IGF1R: variants seen among roughly 807,000 people sequenced by gnomAD.
IGF1R encodes insulin like growth factor 1 receptor.
Under a neutral mutation model 144.6 loss-of-function variants are expected in IGF1R, and 44 were observed. That is an observed-to-expected ratio of 0.30 (90% CI 0.24 to 0.39). The LOEUF is 0.39. Among genes scored for constraint, IGF1R ranks in the 10% least tolerant of loss-of-function variants. IGF1R has a pLI of 1.00. For synonymous variants in IGF1R, 795 were observed against 722.8 expected (o/e 1.10, Z -1.60); for missense variants, 1,355 against 1,833.7 (o/e 0.74, Z 4.77).
chr15:98,866,242 C>T (rs1041656646), intron 2 of IGF1R, among the ~76,000 whole-genome samples: 2 of 152,152 alleles, frequency 1.3e-5, no homozygotes, highest in South Asian at 2.1e-4. Context: ...TGTCCCCCGC[C>T]GCCACCACAC....
At chr15:98,923,212 T>G (rs1294661548) in intron 11 of IGF1R, among the ~76,000 whole-genome samples, 3 of 152,258 alleles carry the variant, frequency 2.0e-5, no homozygotes, top group African/African-American at 7.2e-5. Context: ...CAACTTTGTT[T>G]ACTGCTTCAA....
chr15:98,931,504 C>T (rs772832681), intron 15 of IGF1R, among the ~76,000 whole-genome samples: 5 of 152,124 alleles, frequency 3.3e-5, no homozygotes, highest in Non-Finnish European at 7.4e-5. Flanking sequence ...AAGCAGCCTC[C>T]TCTGAATGGG....
chr15:98,796,719 A>C (rs2141426403), intron 2 of IGF1R, among the ~76,000 whole-genome samples: 1 of 152,338 alleles, frequency 6.6e-6, no homozygotes, highest in East Asian at 1.9e-4. Context: ...TATTGAATGT[A>C]TTCTTATACA....
At chr15:98,922,700 T>G (rs1001342294) in intron 11 of IGF1R, among the ~76,000 whole-genome samples, 4 of 152,228 alleles carry the variant, frequency 2.6e-5, no homozygotes, top group African/African-American at 9.6e-5. Flanking sequence ...ACCCTCCACC[T>G]GCTACTTGGT....
At chr15:98,651,109 G>C in intron 1 of IGF1R, 1 of 972,494 alleles carries the variant, frequency 1.0e-6, no homozygotes, top group Non-Finnish European at 1.2e-6. Context: ...AGGGTATGCA[G>C]GTGGTGCCGA....
At chr15:98,828,772 TG>T (rs1415188187) in intron 2 of IGF1R, among the ~76,000 whole-genome samples, 4 of 138,786 alleles carry the variant, frequency 2.9e-5, no homozygotes, top group Non-Finnish European at 6.2e-5. Context: ...TTGCTGAGCA[TG>T]GTTTTTTTTT....
intron 2 of IGF1R, among the ~76,000 whole-genome samples, chr15:98,749,426 C>CAGGTA (rs1433838333): frequency 2.0e-5 from 3 of 152,046 alleles, no homozygotes; most frequent in Non-Finnish European, 4.4e-5. Flanking sequence ...GTATGTTTAC[C>CAGGTA]AGGTAATCTG....
chr15:98,939,692 G>A (rs906556507), intron 18 of IGF1R, among the ~76,000 whole-genome samples: 12 of 152,192 alleles, frequency 7.9e-5, no homozygotes, highest in African/African-American at 2.9e-4. Context: ...TTTGACTTGG[G>A]AATAAAACTC....
chr15:98,721,325 C>G (rs1405149459), intron 2 of IGF1R, among the ~76,000 whole-genome samples: 1 of 152,204 alleles, frequency 6.6e-6, no homozygotes, highest in Non-Finnish European at 1.5e-5. Flanking sequence ...ATCTCTCTCC[C>G]CAAACAGTTG....
Position 98,923,795 on chromosome 15 carries a change from G to GA in IGF1R, c.2486-81_2486-80insA, listed in dbSNP as rs201805313. 4,019 of 1,104,074 alleles carry GA rather than the reference G, an allele frequency of 3.6e-3. 46 individuals are homozygous for GA. The highest frequency in any genetic ancestry group is 0.03 in the African/African-American group (1,942 of 65,152). The allele number at this position is 1,104,074 out of a possible 1,614,324, so 68.4% of individuals were successfully genotyped here. A position where few individuals can be genotyped will look rare whatever the true frequency, so the allele number is the denominator to read the frequency against. ...ACTGTCCTGCCCGTGTGGATGGGGG[G>GA]GTTATTCTCAGGTCAGCCCAGTGTT... On this transcript the variant is annotated intron_variant, in intron 11 of 20. Transcript: ENST00000650285.
chr15:98,930,157 G>GTT lies in IGF1R; in HGVS notation c.2886-77_2886-76dup. On this transcript the variant is annotated intron_variant, in intron 14 of 20. Transcript: ENST00000650285. The stretch of plus-strand genomic sequence containing the variant: ...CGTGTGAGAGAGGATAAATGAAACT[G>GTT]TTGTAGCGAAGATGAAAGTATATAC... The GTT allele has an allele frequency of 4.1e-6, 4 of 966,114 alleles. 1 individual carries two copies. The South Asian group carries it at 5.3e-5, about 13-fold the overall frequency. The allele number at this position is 966,114 out of a possible 1,614,324, so 59.8% of individuals were successfully genotyped here.
In IGF1R at chr15:98,957,807, C is replaced by G; in HGVS notation, c.*365C>G. The G allele has an allele frequency of 2.9e-6, 1 of 340,356 alleles. No homozygotes were observed. The highest frequency in any genetic ancestry group is 5.4e-6 in the Non-Finnish European group (1 of 184,960). 21.1% of individuals were successfully genotyped at this position (340,356 alleles called of 1,614,324 possible). ...CTGCTTCATAACGGAAAAATAATTG[C>G]CACAAGTCCAGCTGGGAAGCCCTTT... On this transcript the variant is annotated 3_prime_UTR_variant, in exon 21 of 21. Transcript: ENST00000650285.
At chr15:98,834,603 T>C (rs2057060713) in intron 2 of IGF1R, among the ~76,000 whole-genome samples, 1 of 152,194 alleles carries the variant, frequency 6.6e-6, no homozygotes, top group South Asian at 2.1e-4. Context: ...ACCAGAAATA[T>C]CTGAAAGCAA....
At chr15:98,672,033 C>G (rs988710135) in intron 1 of IGF1R, among the ~76,000 whole-genome samples, 1 of 152,122 alleles carries the variant, frequency 6.6e-6, no homozygotes, top group Non-Finnish European at 1.5e-5. Flanking sequence ...TAATATAATC[C>G]AAGCAATAGT....
intron 8 of IGF1R, 150 bp downstream of exon 8, chr15:98,913,432 A>G (rs2015111419): frequency 3.9e-6 from 3 of 763,854 alleles, no homozygotes; most frequent in Non-Finnish European, 7.1e-6. Context: ...TCATTTCCCC[A>G]CTGCTAACAC....
chr15:98,658,131 T>C (rs1212924038), intron 1 of IGF1R, among the ~76,000 whole-genome samples: 1 of 152,206 alleles, frequency 6.6e-6, no homozygotes, highest in African/African-American at 2.4e-5. Context: ...TGTTAGTTCC[T>C]GGTACTCCCC....
chr15:98,759,262 A>G (rs2055234759), intron 2 of IGF1R, among the ~76,000 whole-genome samples: 1 of 152,208 alleles, frequency 6.6e-6, no homozygotes, highest in African/African-American at 2.4e-5. Flanking sequence ...ATCTCAGTGC[A>G]GGTGTTTCTG....
chr15:98,707,578 C>T lies in IGF1R; in HGVS notation c.111C>T (p.Ile37=), dbSNP rs1462058704. ...TCCCTTCAGTCTGCGGGCCAGGCATCGACATCCGCAACGACTATCAGCAGC... is the reference window on the plus strand; with the variant it reads ...TCCCTTCAGTCTGCGGGCCAGGCATTGACATCCGCAACGACTATCAGCAGC... ...PTSGEICGPG[I]DIRNDYQQLK... The change falls in exon 2 of 21, where the codon ATC becomes ATT. Residue 37 remains isoleucine, a synonymous_variant. Coordinates refer to ENST00000650285, the MANE Select transcript of IGF1R (RefSeq NM_000875.5). This position sits in a 1 kb window ranked among gnomAD's most constrained non-coding sequence, Gnocchi z 6.7. 15 of 1,614,082 alleles carry T rather than the reference C, an allele frequency of 9.3e-6. No homozygotes were observed. The highest frequency in any genetic ancestry group is 4.5e-5 in the East Asian group (2 of 44,904).
In IGF1R at chr15:98,877,607, C is replaced by G. The variant is rs574730582; in HGVS notation, c.641-13718C>G. On this transcript the variant is annotated intron_variant, in intron 2 of 20. Transcript: ENST00000650285. ...AAAGAGACTTTCACAAGTGATTGTG[C>G]AAAATTGTGAGGTCACTGAATAGGT... Among the ~76,000 whole-genome samples the G allele has an allele frequency of 4.2e-5, 6 of 144,308 alleles. No homozygotes were observed. The East Asian group carries it at 1.3e-3, about 32-fold the overall frequency. 94.7% of individuals were successfully genotyped at this position (144,308 alleles called of 152,430 possible). A position where few individuals can be genotyped will look rare whatever the true frequency, so the allele number is the denominator to read the frequency against.
Sources: allele counts gnomAD v4.1 joint callset (sites outside exome capture counted in the v4.1 genomes callset), GRCh38; gene constraint gnomAD v4.1.1; non-coding constraint Gnocchi (gnomAD v3.1); transcripts MANE v1.5; gene names NCBI Gene and HGNC (gene_info 2026-07-23, HGNC 2026-07-21).